Variants in HPSE observed in about 807,000 individuals in gnomAD.
The protein encoded by HPSE is heparanase, also known as endo-glucoronidase.
Under a neutral mutation model 65.1 loss-of-function variants are expected in HPSE, and 48 were observed. That is an observed-to-expected ratio of 0.74 (90% CI 0.58 to 0.94). HPSE has a LOEUF of 0.94. Among genes scored for constraint, HPSE ranks in the 40% least tolerant of loss-of-function variants. The probability of loss-of-function intolerance (pLI) is 0.00; values close to 1 mark genes in which losing one functional copy is unlikely to be tolerated. For missense variants in HPSE, 644 were observed against 637.5 expected (o/e 1.01, Z -0.11); for synonymous variants, 243 against 260.0 (o/e 0.93, Z 0.63).
intron 1 of HPSE, among the ~76,000 whole-genome samples, chr4:83,334,012 TG>T (rs1283724362): frequency 2.0e-5 from 3 of 152,138 alleles, no homozygotes; most frequent in African/African-American, 7.2e-5. Flanking sequence ...TCCCTCCTCT[TG>T]GCTAGGGAAG....
intron 10 of HPSE, among the ~76,000 whole-genome samples, chr4:83,301,910 T>C (rs757324195): frequency 6.6e-6 from 1 of 152,080 alleles, no homozygotes; most frequent in Non-Finnish European, 1.5e-5. Context: ...TGAGCTGAGA[T>C]TGCACCACTG....
In HPSE at chr4:83,326,741, A is replaced by T. The variant is rs1244115768; in HGVS notation, c.228-4377T>A. On this transcript the variant is annotated intron_variant, in intron 1 of 11. Transcript: ENST00000311412. This position sits in a 1 kb window ranked among gnomAD's most constrained non-coding sequence, Gnocchi z 4.2. The stretch of plus-strand genomic sequence containing the variant: ...AACCACTCCAGGCTGGCCCTGTTCC[A>T]CTGCCTTCAGCCAGGCACTGATTCT... 2.0e-5 allele frequency among the ~76,000 whole-genome samples: 3 copies of T among 152,220 alleles called. No homozygotes were observed. Among genetic ancestry groups the T allele is most frequent in the Admixed American group, 6.5e-5 (1 of 15,292 alleles).
At chr4:83,300,168 A>C (rs554176470) in intron 11 of HPSE, among the ~76,000 whole-genome samples, 1 of 152,342 alleles carries the variant, frequency 6.6e-6, no homozygotes, top group African/African-American at 2.4e-5. Context: ...TGTAGTCAAT[A>C]ATTGGTTTTT....
rs1015077396 is a variant in HPSE, at chr4:83,295,463, C to T, written c.1513G>A (p.Asp505Asn). Residue 505 changes from aspartate (D) to asparagine (N), a missense_variant, in exon 12 of 12, where the codon GAT becomes AAT. By Grantham distance (23) the Asp-to-Asn change is conservative. Transcript: ENST00000311412. The part of the protein sequence containing the change: ...LNGLTLKMVD[D>N]QTLPPLMEKP... ...TCCATTAAAGGTGGCAAGGTTTGAT[C>T]ATCCACCATCTTTAGAGTTAGACCA... 5.0e-6 allele frequency: 8 copies of T among 1,612,286 alleles called. No individual in the cohort carries two copies. Among genetic ancestry groups the T allele is most frequent in the Non-Finnish European group, 6.8e-6 (8 of 1,178,934 alleles).
rs535902869 is a variant in HPSE at position 83,332,318 on chromosome 4, A to G, written c.227+2238T>C. On this transcript the variant is annotated intron_variant, in intron 1 of 11. Transcript: ENST00000311412. ...GAGATGGACCCTCACACTCTAATTT[A>G]GAAGCTAGGTCTTAGATGAGGAGAG... Among the ~76,000 whole-genome samples the G allele has an allele frequency of 1.1e-4, 16 of 152,334 alleles. No homozygotes were observed. In the South Asian group the frequency reaches 2.5e-3, roughly 24 times the overall value.
intron 2 of HPSE, among the ~76,000 whole-genome samples, chr4:83,320,350 A>G (rs1246119230): frequency 1.3e-5 from 2 of 152,144 alleles, no homozygotes; most frequent in African/African-American, 2.4e-5. Flanking sequence ...GGATAGCTTG[A>G]GCTCAGGAGT....
In HPSE at chr4:83,334,751, G is replaced by T. The variant is rs1657125906; in HGVS notation, c.32C>A (p.Pro11Gln). The change falls in exon 1 of 12, where the codon CCG becomes CAG. Residue 11 changes from proline (P) to glutamine (Q), a missense_variant. Transcript: ENST00000311412. The stretch of plus-strand genomic sequence containing the variant: ...CCCCAGGAGCAGCAGCATCAGCGGC[G>T]GCGGCAGCGCAGGCTTCGAGCGCAG... The part of the protein sequence containing the change: MLLRSKPALP[P>Q]PLMLLLLGPL... 5.1e-6 allele frequency: 8 copies of T among 1,553,894 alleles called. No homozygotes were observed. The highest frequency in any genetic ancestry group is 7.0e-6 in the Non-Finnish European group (8 of 1,148,818).
At chr4:83,305,529 C>T (rs935535705) in intron 9 of HPSE, among the ~76,000 whole-genome samples, 1 of 152,118 alleles carries the variant, frequency 6.6e-6, no homozygotes, top group Non-Finnish European at 1.5e-5. Flanking sequence ...AGGAATTATT[C>T]TTAGAAAATA....
chr4:83,329,247 T>C (rs1336533990), intron 1 of HPSE, among the ~76,000 whole-genome samples: 1 of 152,152 alleles, frequency 6.6e-6, no homozygotes, highest in Non-Finnish European at 1.5e-5. Context: ...AGACTGGAAA[T>C]GAAGCATTAA....
chr4:83,317,654 T>C (rs1736705155), intron 3 of HPSE, among the ~76,000 whole-genome samples: 1 of 152,210 alleles, frequency 6.6e-6, no homozygotes, highest in Non-Finnish European at 1.5e-5. Context: ...AGAAAGATCC[T>C]GTAAAGTAGT....
intron 6 of HPSE, among the ~76,000 whole-genome samples, chr4:83,309,713 C>A (rs1470859830): frequency 6.6e-6 from 1 of 152,136 alleles, no homozygotes; most frequent in Non-Finnish European, 1.5e-5. Context: ...CTTGAAAAAA[C>A]ACAGTGGCAA....
At chr4:83,333,468 C>T (rs1488268472) in intron 1 of HPSE, among the ~76,000 whole-genome samples, 1 of 152,178 alleles carries the variant, frequency 6.6e-6, no homozygotes, top group Non-Finnish European at 1.5e-5. Context: ...TCAGGGAGGA[C>T]AGCATCTAGG....
rs539487909 is a variant in HPSE at position 83,334,845 on chromosome 4, C to T, written c.-63G>A. On this transcript the variant is annotated 5_prime_UTR_variant, in exon 1 of 12. Transcript: ENST00000311412. ...CGCAGCGGAGAGTCGAGAGCTCTAG[C>T]ACTTCCTCCCGCCGAGCCCCAGCGC... is the stretch of plus-strand genomic sequence containing the variant. 74 of 1,445,064 alleles carry T rather than the reference C, an allele frequency of 5.1e-5. No homozygotes were observed. The African/African-American group carries it at 6.6e-4, about 13-fold the overall frequency. 89.5% of individuals were successfully genotyped at this position (1,445,064 alleles called of 1,614,324 possible).
intron 1 of HPSE, among the ~76,000 whole-genome samples, chr4:83,328,257 C>G (rs550272992): frequency 6.6e-6 from 1 of 152,186 alleles, no homozygotes; most frequent in African/African-American, 2.4e-5. Flanking sequence ...CCTCTCTAGG[C>G]GCAGGAAAGG....
At position 83,326,951 on chromosome 4, in the gene HPSE, A is replaced by G. The variant is rs1014896954; in HGVS notation, c.228-4587T>C. On this transcript the variant is annotated intron_variant, in intron 1 of 11. Coordinates refer to ENST00000311412, the MANE Select transcript of HPSE (RefSeq NM_001098540.3). This position sits in a 1 kb window ranked among gnomAD's most constrained non-coding sequence, Gnocchi z 4.2. ...TGACCTGGGTCACAGCCTGGTCCTT[A>G]GAGGTACAAACTGTACCACCTTGGG... Among the ~76,000 whole-genome samples the G allele has an allele frequency of 6.6e-6, 1 of 152,226 alleles. No individual in the cohort carries two copies. Among genetic ancestry groups the G allele is most frequent in the Non-Finnish European group, 1.5e-5 (1 of 68,034 alleles).
intron 11 of HPSE, among the ~76,000 whole-genome samples, chr4:83,296,772 CTT>C (rs1491497495): frequency 6.6e-6 from 1 of 151,372 alleles, no homozygotes; most frequent in Non-Finnish European, 1.5e-5. Flanking sequence ...ATGTAGAACA[CTT>C]ATAACAGTGT....
At chr4:83,328,284 T>C (rs1737227909) in intron 1 of HPSE, among the ~76,000 whole-genome samples, 1 of 152,194 alleles carries the variant, frequency 6.6e-6, no homozygotes. Flanking sequence ...TCCAGGTCTT[T>C]CTCCTAAGTT....
At chr4:83,296,229 G>A (rs867297381) in intron 11 of HPSE, among the ~76,000 whole-genome samples, 3 of 152,080 alleles carry the variant, frequency 2.0e-5, no homozygotes, top group Admixed American at 6.5e-5. Flanking sequence ...TCACAGGAGC[G>A]AATCAATATA....
chr4:83,312,216 C>G (rs1380842345), intron 4 of HPSE, among the ~76,000 whole-genome samples: 1 of 152,142 alleles, frequency 6.6e-6, no homozygotes, highest in Admixed American at 6.5e-5. Flanking sequence ...GAGCTGGGAA[C>G]GTTGCTGGCT....
Sources: allele counts gnomAD v4.1 joint callset (sites outside exome capture counted in the v4.1 genomes callset), GRCh38; gene constraint gnomAD v4.1.1; non-coding constraint Gnocchi (gnomAD v3.1); transcripts MANE v1.5; gene names NCBI Gene and HGNC (gene_info 2026-07-23, HGNC 2026-07-21).